The following UNC5D variants were observed in gnomAD, a reference collection of about 807,000 sequenced individuals.
The protein encoded by UNC5D is netrin receptor UNC5D.
A neutral mutation model predicts 105.4 loss-of-function variants in UNC5D; 39 were observed. The ratio of observed to expected loss-of-function variants is 0.37; its 90% CI spans 0.29 to 0.48. The LOEUF (loss-of-function observed/expected upper bound fraction) is 0.48. UNC5D is among the 20% of genes least tolerant of loss of function. The probability of loss-of-function intolerance (pLI) is 0.98; values close to 1 mark genes in which losing one functional copy is unlikely to be tolerated. For missense variants in UNC5D, 991 were observed against 1,202.4 expected (o/e 0.82, Z 2.60); for synonymous variants, 452 against 450.4 (o/e 1.00, Z -0.04).
chr8:35,261,662 G>C (rs549687680), intron 1 of UNC5D, among the ~76,000 whole-genome samples: 1 of 151,810 alleles, frequency 6.6e-6, no homozygotes, highest in Non-Finnish European at 1.5e-5. Context: ...TGTATTTCAC[G>C]GAGGCTCATT....
chr8:35,324,091 G>A (rs1168807083), intron 1 of UNC5D, among the ~76,000 whole-genome samples: 4 of 151,954 alleles, frequency 2.6e-5, no homozygotes, highest in Non-Finnish European at 4.4e-5. Flanking sequence ...TTAGCCAGGC[G>A]TGGTGGCATC....
At chr8:35,750,469 C>A in intron 12 of UNC5D, 113 bp from the exon 13 acceptor site, 1 of 1,094,738 alleles carries the variant, frequency 9.1e-7, no homozygotes, top group Non-Finnish European at 1.3e-6. Context: ...GGCAATAGGA[C>A]TATTCTGAAA....
At chr8:35,498,290 G>T (rs932841520) in intron 1 of UNC5D, among the ~76,000 whole-genome samples, 1 of 151,782 alleles carries the variant, frequency 6.6e-6, no homozygotes, top group Non-Finnish European at 1.5e-5. Flanking sequence ...CTTGGAGTAG[G>T]TTGGTTGGAG....
chr8:35,432,578 A>G (rs1466559889), intron 1 of UNC5D, among the ~76,000 whole-genome samples: 2 of 152,168 alleles, frequency 1.3e-5, no homozygotes, highest in African/African-American at 2.4e-5. Flanking sequence ...TGTTAGAACA[A>G]CTTGGGGTTA....
At chr8:35,460,548 C>A (rs1260222380) in intron 1 of UNC5D, among the ~76,000 whole-genome samples, 2 of 152,168 alleles carry the variant, frequency 1.3e-5, no homozygotes, top group East Asian at 3.9e-4. Context: ...CAAGGAAATG[C>A]AATAGCTACA....
At chr8:35,544,265 A>G in intron 1 of UNC5D, 1 of 1,101,412 alleles carries the variant, frequency 9.1e-7, no homozygotes, top group Non-Finnish European at 1.2e-6. Context: ...CTCTTTCCTG[A>G]ACAGCTGATG....
chr8:35,566,293 C>A (rs1002373292), intron 2 of UNC5D, among the ~76,000 whole-genome samples: 1 of 152,086 alleles, frequency 6.6e-6, no homozygotes, highest in Non-Finnish European at 1.5e-5. Context: ...TGGAAGGGAA[C>A]GTTTCCCCAG....
chr8:35,501,713 C>A (rs1181545557), intron 1 of UNC5D, among the ~76,000 whole-genome samples: 2 of 152,168 alleles, frequency 1.3e-5, no homozygotes, highest in African/African-American at 4.8e-5. Context: ...CATTCAGTTA[C>A]CCCACTCTTA....
intron 1 of UNC5D, among the ~76,000 whole-genome samples, chr8:35,287,749 G>A (rs566767444): frequency 6.6e-6 from 1 of 152,222 alleles, no homozygotes; most frequent in East Asian, 1.9e-4. Flanking sequence ...TGAGGCTGCA[G>A]TGAGCTATGA....
chr8:35,681,456 G>A (rs922911256), intron 4 of UNC5D, among the ~76,000 whole-genome samples: 11 of 152,164 alleles, frequency 7.2e-5, no homozygotes, highest in Non-Finnish European at 1.6e-4. Context: ...CAGATGTTTA[G>A]GTATTTGTCA....
intron 1 of UNC5D, among the ~76,000 whole-genome samples, chr8:35,319,649 G>T (rs1361624310): frequency 6.6e-6 from 1 of 151,986 alleles, no homozygotes; most frequent in Non-Finnish European, 1.5e-5. Context: ...TACATATTGA[G>T]GAATCCAGAA....
At chr8:35,688,243 CAA>C (rs572052920) in intron 7 of UNC5D, among the ~76,000 whole-genome samples, 21 of 128,676 alleles carry the variant, frequency 1.6e-4, no homozygotes, top group Admixed American at 3.2e-4. Flanking sequence ...AAATATCCAG[CAA>C]AAAAAAAAAA....
At chr8:35,561,213 T>G (rs1216320982) in intron 2 of UNC5D, among the ~76,000 whole-genome samples, 1 of 152,168 alleles carries the variant, frequency 6.6e-6, no homozygotes, top group Non-Finnish European at 1.5e-5. Context: ...ATACTCCAGA[T>G]CACTGTTCCC....
chr8:35,677,087 C>T (rs565176501), intron 4 of UNC5D, among the ~76,000 whole-genome samples: 1 of 152,210 alleles, frequency 6.6e-6, no homozygotes, highest in East Asian at 1.9e-4. Context: ...CACATTTACA[C>T]AGGTCTTGCG....
intron 4 of UNC5D, among the ~76,000 whole-genome samples, chr8:35,630,455 G>T (rs538789962): frequency 3.3e-4 from 51 of 152,266 alleles, no homozygotes; most frequent in African/African-American, 1.1e-3. Flanking sequence ...TATACCTGAC[G>T]TAGAGGAAAA....
intron 4 of UNC5D, among the ~76,000 whole-genome samples, chr8:35,640,590 T>C (rs1822647161): frequency 6.6e-6 from 1 of 152,164 alleles, no homozygotes; most frequent in Non-Finnish European, 1.5e-5. Context: ...CTCCCATTAT[T>C]ACAGTCCTGC....
chr8:35,455,174 G>A (rs1808404240), intron 1 of UNC5D, among the ~76,000 whole-genome samples: 1 of 151,928 alleles, frequency 6.6e-6, no homozygotes, highest in African/African-American at 2.4e-5. Flanking sequence ...ATAGAATGCT[G>A]TGTTTGGACA....
chr8:35,618,326 A>G (rs531865527), intron 4 of UNC5D, among the ~76,000 whole-genome samples: 2 of 152,190 alleles, frequency 1.3e-5, no homozygotes, highest in Non-Finnish European at 2.9e-5. Context: ...CACATTGTAC[A>G]TTGGTCTGGG....
chr8:35,672,274 C>G (rs745882518), intron 4 of UNC5D, among the ~76,000 whole-genome samples: 24 of 152,158 alleles, frequency 1.6e-4, no homozygotes, highest in Admixed American at 4.6e-4. Context: ...TTAATATTCT[C>G]ACATCACCAC....
Sources: gnomAD v4.1 joint callset for allele counts (sites outside exome capture counted in the v4.1 genomes callset) on GRCh38, gnomAD v4.1.1 for gene constraint, MANE v1.5 for transcripts, NCBI Gene and HGNC (gene_info 2026-07-23, HGNC 2026-07-21) for gene names.